The following PAFAH1B1 variants were observed in gnomAD, a reference collection of about 807,000 sequenced individuals.
The protein encoded by PAFAH1B1 is platelet-activating factor acetylhydrolase IB subunit beta.
A neutral mutation model predicts 57.5 loss-of-function variants in PAFAH1B1; 2 were observed. The ratio of observed to expected loss-of-function variants is 0.03; its 90% CI spans 0.01 to 0.11. The LOEUF (loss-of-function observed/expected upper bound fraction) is 0.11. Ranked by LOEUF, PAFAH1B1 falls within the 10% of genes least tolerant of loss-of-function variation. The pLI, the probability that PAFAH1B1 is intolerant of heterozygous loss-of-function variation, is 1.00. For synonymous variants in PAFAH1B1, 152 were observed against 169.6 expected, an observed-to-expected ratio of 0.90 and a Z score of 0.81; for missense variants, 257 against 512.0, an observed-to-expected ratio of 0.50 and a Z score of 4.81.
chr17:2,603,700 A>G (rs1645943666), intron 1 of PAFAH1B1, among the ~76,000 whole-genome samples: 1 of 151,252 alleles, frequency 6.6e-6, no homozygotes, highest in Non-Finnish European at 1.5e-5. Context: ...AAGGGGGAAA[A>G]TCTTGATTGA....
chr17:2,662,378 T>TTGTGTGTGTGTGTGTG lies in PAFAH1B1; in HGVS notation c.33-2963_33-2948dup, dbSNP rs57918293. ...AACCATTTTTATTTTTTTAACCTCT[T>TTGTGTGTGTGTGTGTG]TGTGTGTGTGTGTGTGTGTGTGTGT... On this transcript the variant is annotated intron_variant, in intron 2 of 10. Coordinates refer to ENST00000397195, the MANE Select transcript of PAFAH1B1 (RefSeq NM_000430.4). 1.1e-4 allele frequency among the ~76,000 whole-genome samples: 13 copies of TTGTGTGTGTGTGTGTG among 123,782 alleles called. 1 individual carries two copies. In the East Asian group the frequency reaches 1.6e-3, roughly 15 times the overall value. The allele number at this position is 123,782 out of a possible 152,430, so 81.2% of individuals were successfully genotyped here.
chr17:2,661,309 T>C (rs1390539251), intron 2 of PAFAH1B1, among the ~76,000 whole-genome samples: 1 of 152,224 alleles, frequency 6.6e-6, no homozygotes, highest in Non-Finnish European at 1.5e-5. Context: ...TACATGTAAG[T>C]CTTTAATCCA....
intron 1 of PAFAH1B1, among the ~76,000 whole-genome samples, chr17:2,601,734 G>A (rs771706101): frequency 3.1e-4 from 47 of 151,772 alleles, no homozygotes; most frequent in Non-Finnish European, 1.3e-4. Flanking sequence ...GCACCACGGC[G>A]CCCGGCCTAA....
chr17:2,669,551 G>A (rs1352600700), intron 5 of PAFAH1B1, among the ~76,000 whole-genome samples: 2 of 152,100 alleles, frequency 1.3e-5, no homozygotes, highest in African/African-American at 4.8e-5. Flanking sequence ...GAGCCACTGC[G>A]CCCGGCCATA....
intron 9 of PAFAH1B1, among the ~76,000 whole-genome samples, chr17:2,678,480 C>A (rs911780292): frequency 1.3e-5 from 2 of 151,238 alleles, no homozygotes; most frequent in African/African-American, 2.4e-5. Context: ...GCTTGAGAAT[C>A]GTTTGCACCT....
chr17:2,670,415 TC>T, intron 6 of PAFAH1B1, 84 bp downstream of exon 6: 4 of 1,248,750 alleles, frequency 3.2e-6, no homozygotes, highest in Non-Finnish European at 4.7e-6. Context: ...TGTACAGTGT[TC>T]CTTTATTCAC....
intron 1 of PAFAH1B1, among the ~76,000 whole-genome samples, chr17:2,597,538 G>A (rs1597505231): frequency 6.7e-6 from 1 of 149,422 alleles, no homozygotes; most frequent in Non-Finnish European, 1.5e-5. Context: ...AGCCTCTTGA[G>A]TAGTTGGGAT....
At chr17:2,612,054 T>C (rs183091997) in intron 1 of PAFAH1B1, among the ~76,000 whole-genome samples, 40 of 152,314 alleles carry the variant, frequency 2.6e-4, no homozygotes, top group Admixed American at 2.5e-3. Context: ...TGAACCATTA[T>C]TGGCAGTTTT....
At chr17:2,661,518 T>TGA (rs1344158864) in intron 2 of PAFAH1B1, among the ~76,000 whole-genome samples, 2 of 152,212 alleles carry the variant, frequency 1.3e-5, no homozygotes, top group Non-Finnish European at 2.9e-5. Flanking sequence ...TCCCTTGGTC[T>TGA]GTGTGTCTGT....
chr17:2,672,053 G>A (rs1337753971), intron 6 of PAFAH1B1, among the ~76,000 whole-genome samples: 1 of 152,034 alleles, frequency 6.6e-6, no homozygotes, highest in East Asian at 1.9e-4. Context: ...AGGATTGCTT[G>A]AGGACAGGAG....
At chr17:2,669,537 G>A (rs893298841) in intron 5 of PAFAH1B1, among the ~76,000 whole-genome samples, 3 of 152,156 alleles carry the variant, frequency 2.0e-5, no homozygotes, top group Non-Finnish European at 4.4e-5. Context: ...GGGATTACAG[G>A]CGTGAGCCAC....
intron 1 of PAFAH1B1, among the ~76,000 whole-genome samples, chr17:2,600,071 C>G (rs2068123828): frequency 6.7e-6 from 1 of 148,486 alleles, no homozygotes; most frequent in Admixed American, 6.8e-5. Flanking sequence ...CCTCCACCTC[C>G]TGGGTTCAAA....
chr17:2,623,774 A>AGCCACG (rs1368419263), intron 1 of PAFAH1B1, among the ~76,000 whole-genome samples: 4 of 145,238 alleles, frequency 2.8e-5, no homozygotes, highest in African/African-American at 5.3e-5. Flanking sequence ...TCCCAGCCAC[A>AGCCACG]GTAGCTGGGA....
chr17:2,594,861 G>A (rs560481440), intron 1 of PAFAH1B1, among the ~76,000 whole-genome samples: 1 of 152,350 alleles, frequency 6.6e-6, no homozygotes, highest in South Asian at 2.1e-4. Flanking sequence ...CCTCCCACAT[G>A]AGAAAATGCC....
intron 1 of PAFAH1B1, among the ~76,000 whole-genome samples, chr17:2,618,104 T>C (rs564018252): frequency 4.0e-5 from 6 of 151,580 alleles, no homozygotes; most frequent in African/African-American, 1.5e-4. Flanking sequence ...AAAAATTAGC[T>C]GGGCGTGGTG....
intron 1 of PAFAH1B1, among the ~76,000 whole-genome samples, chr17:2,620,695 C>G (rs1017093583): frequency 5.9e-5 from 9 of 152,074 alleles, no homozygotes; most frequent in Admixed American, 5.2e-4. Flanking sequence ...AACCCCGTCT[C>G]TACTAAAAAT....
chr17:2,661,210 T>A (rs1319586621), intron 2 of PAFAH1B1, among the ~76,000 whole-genome samples: 1 of 152,256 alleles, frequency 6.6e-6, no homozygotes, highest in Non-Finnish European at 1.5e-5. Context: ...TTGATGCAGT[T>A]GCTTTTGGCA....
chr17:2,675,763 C>G (rs1345406888), intron 8 of PAFAH1B1, among the ~76,000 whole-genome samples: 1 of 151,898 alleles, frequency 6.6e-6, no homozygotes, highest in Non-Finnish European at 1.5e-5. Context: ...ATTGCTTGAT[C>G]CCAGGAGTTC....
chr17:2,626,561 C>T (rs9674719), intron 1 of PAFAH1B1, among the ~76,000 whole-genome samples: 2 of 36,208 alleles, frequency 5.5e-5, no homozygotes, highest in Non-Finnish European at 1.5e-4. Context: ...CTTCCCCCCC[C>T]CCCCCCCCCC....
Sources: allele counts gnomAD v4.1 joint callset (sites outside exome capture counted in the v4.1 genomes callset), GRCh38; gene constraint gnomAD v4.1.1; transcripts MANE v1.5; gene names NCBI Gene and HGNC (gene_info 2026-07-23, HGNC 2026-07-21).